The following STARD9 variants were observed in gnomAD, a reference collection of about 807,000 sequenced individuals.
STARD9 encodes the protein StAR related lipid transfer domain containing 9.
In STARD9, 346 loss-of-function variants were observed where a neutral mutation model predicts 399.8. That is an observed-to-expected ratio of 0.87 (90% CI 0.79 to 0.95). The LOEUF (loss-of-function observed/expected upper bound fraction) is 0.95. Among genes scored for constraint, STARD9 ranks in the 40% least tolerant of loss-of-function variants. The pLI, the probability that STARD9 is intolerant of heterozygous loss-of-function variation, is 0.00. For synonymous variants in STARD9, 2,203 were observed against 2,143.5 expected (o/e 1.03, Z -0.77); for missense variants, 5,832 against 5,667.5 (o/e 1.03, Z -0.93).
At chr15:42,645,922 G>C (rs1254355592) in intron 7 of STARD9, among the ~76,000 whole-genome samples, 2 of 152,020 alleles carry the variant, frequency 1.3e-5, no homozygotes, top group African/African-American at 4.8e-5. Context: ...CACTTTGGGA[G>C]GTTGAGGTGG....
intron 3 of STARD9, among the ~76,000 whole-genome samples, chr15:42,593,714 A>AGT (rs2058447353): frequency 8.8e-6 from 1 of 113,826 alleles, no homozygotes; most frequent in East Asian, 3.1e-4. Context: ...CCCAGGCTGG[A>AGT]GTGCAGTGGT....
chr15:42,623,183 C>T (rs1049500044), intron 3 of STARD9, among the ~76,000 whole-genome samples: 2 of 151,816 alleles, frequency 1.3e-5, no homozygotes, highest in Admixed American at 1.3e-4. Context: ...ACCTGGGAGG[C>T]GGAGGTTGCA....
chr15:42,621,276 C>T (rs1014725399), intron 3 of STARD9, among the ~76,000 whole-genome samples: 12 of 152,026 alleles, frequency 7.9e-5, no homozygotes, highest in Non-Finnish European at 1.6e-4. Flanking sequence ...TATTCCGGCC[C>T]TCATCAGACT....
Position 42,685,551 on chromosome 15 carries a change from C to T in STARD9, c.3973C>T (p.Gln1325Ter). 1 of 1,537,638 alleles carries T rather than the reference C, an allele frequency of 6.5e-7. No homozygotes were observed. Among genetic ancestry groups the T allele is most frequent in the Non-Finnish European group, 8.7e-7 (1 of 1,147,010 alleles). The change falls in exon 23 of 33, where the codon CAG (glutamine) becomes TAG (stop). Residue 1325 changes from glutamine to a stop codon, truncating the protein, a stop_gained. Transcript: ENST00000290607. LOFTEE classifies it high-confidence loss of function. ...SEQADSLQGMQLSRESPLMSM... is the reference protein window; with the variant it reads ...SEQADSLQGM ...ACAAGCCGACTCTCTCCAAGGCATG[C>T]AGCTTTCAAGAGAGAGCCCACTGAT...
intron 3 of STARD9, among the ~76,000 whole-genome samples, chr15:42,602,618 A>G (rs1187394732): frequency 6.6e-6 from 1 of 152,218 alleles, no homozygotes; most frequent in Non-Finnish European, 1.5e-5. Context: ...ATGAAGTGGT[A>G]GCTTGCAATC....
At chr15:42,616,276 A>G (rs2058961046) in intron 3 of STARD9, among the ~76,000 whole-genome samples, 1 of 152,256 alleles carries the variant, frequency 6.6e-6, no homozygotes, top group African/African-American at 2.4e-5. Context: ...ACGATCAACA[A>G]ATGGGAGTGG....
At chr15:42,683,764 T>C (rs1479256333) in intron 22 of STARD9, among the ~76,000 whole-genome samples, 4 of 152,272 alleles carry the variant, frequency 2.6e-5, no homozygotes, top group Non-Finnish European at 5.9e-5. Flanking sequence ...TTGATAATTA[T>C]AGTTCTGTAG....
intron 9 of STARD9, among the ~76,000 whole-genome samples, chr15:42,655,836 A>G (rs534388120): frequency 6.6e-6 from 1 of 152,336 alleles, no homozygotes; most frequent in East Asian, 1.9e-4. Context: ...GCATCCTACG[A>G]AGGACTAATA....
intron 1 of STARD9, among the ~76,000 whole-genome samples, chr15:42,576,499 C>T (rs1325757472): frequency 6.6e-6 from 1 of 152,046 alleles, no homozygotes; most frequent in Non-Finnish European, 1.5e-5. Flanking sequence ...TTTAAAGAGC[C>T]TTCTATGTAG....
At chr15:42,660,207 G>T (rs1436630718) in intron 9 of STARD9, among the ~76,000 whole-genome samples, 1 of 152,198 alleles carries the variant, frequency 6.6e-6, no homozygotes, top group Admixed American at 6.5e-5. Flanking sequence ...TGACTGCAAA[G>T]ACTTGAGGGA....
At chr15:42,651,691 G>C (rs954614221) in intron 8 of STARD9, among the ~76,000 whole-genome samples, 2 of 151,918 alleles carry the variant, frequency 1.3e-5, no homozygotes, top group African/African-American at 4.8e-5. Context: ...CCTGTTAATA[G>C]CAGGACCAAG....
At chr15:42,712,087 A>AT (rs1387126899) in intron 26 of STARD9, among the ~76,000 whole-genome samples, 47 of 870 alleles carry the variant, frequency 0.054, 2 homozygotes, top group African/African-American at 0.13. Context: ...TATATTATAT[A>AT]TATATATATA....
At chr15:42,665,444 T>TAG in intron 14 of STARD9, 114 bp downstream of exon 14, 1 of 825,760 alleles carries the variant, frequency 1.2e-6, no homozygotes, top group Non-Finnish European at 1.9e-6. Flanking sequence ...TTGACTCTCT[T>TAG]ACGGCAGAGA....
intron 26 of STARD9, among the ~76,000 whole-genome samples, chr15:42,709,017 T>C (rs2061151352): frequency 6.6e-6 from 1 of 152,206 alleles, no homozygotes; most frequent in East Asian, 1.9e-4. Flanking sequence ...GATACCGACA[T>C]GTCCTGTTTC....
intron 3 of STARD9, among the ~76,000 whole-genome samples, chr15:42,602,736 A>G (rs770886983): frequency 6.9e-4 from 105 of 152,234 alleles, no homozygotes; most frequent in Non-Finnish European, 1.4e-3. Flanking sequence ...TCATACCTCT[A>G]TGGTAAACGA....
intron 9 of STARD9, 44 bp from the exon 10 acceptor site, chr15:42,661,114 A>C (rs2059985124): frequency 7.1e-7 from 1 of 1,409,526 alleles, no homozygotes; most frequent in Non-Finnish European, 9.7e-7. Flanking sequence ...GGAAAACAAT[A>C]CAAATCGTTC....
In STARD9 at chr15:42,607,651, TACACACAC is replaced by T. The variant is rs10655556; in HGVS notation, c.234+22042_234+22049del. The stretch of plus-strand genomic sequence containing the variant: ...AATATATTATACACACACACACTTA[TACACACAC>T]ACACACACACACACACACACACACA... On this transcript the variant is annotated intron_variant, in intron 3 of 32. Transcript: ENST00000290607. 1.2e-3 allele frequency among the ~76,000 whole-genome samples: 173 copies of T among 143,774 alleles called. 1 individual carries two copies. Among genetic ancestry groups the T allele is most frequent in the East Asian group, 4.7e-3 (23 of 4,900 alleles). 94.3% of individuals were successfully genotyped at this position (143,774 alleles called of 152,430 possible).
intron 7 of STARD9, among the ~76,000 whole-genome samples, chr15:42,644,903 C>G (rs2141963918): frequency 6.6e-6 from 1 of 152,282 alleles, no homozygotes; most frequent in Middle Eastern, 3.4e-3. Flanking sequence ...TAGGTTCCAT[C>G]TCAAGAAACC....
At chr15:42,599,681 A>G (rs1403206843) in intron 3 of STARD9, among the ~76,000 whole-genome samples, 2 of 152,204 alleles carry the variant, frequency 1.3e-5, no homozygotes, top group Non-Finnish European at 2.9e-5. Context: ...AAGGCAGACT[A>G]GGTCTCATCT....
Sources: gnomAD v4.1 joint callset for allele counts (sites outside exome capture counted in the v4.1 genomes callset) on GRCh38, gnomAD v4.1.1 for gene constraint, MANE v1.5 for transcripts, NCBI Gene and HGNC (gene_info 2026-07-23, HGNC 2026-07-21) for gene names.